AJM1: variants seen among roughly 807,000 people sequenced by gnomAD.
The protein encoded by AJM1 is apical junction component 1 homolog.
A neutral mutation model predicts 43.0 loss-of-function variants in AJM1; 22 were observed. The ratio of observed to expected loss-of-function variants is 0.51; its 90% CI spans 0.37 to 0.73. AJM1 has a LOEUF of 0.73. Among genes scored for constraint, AJM1 ranks in the 30% least tolerant of loss-of-function variants. AJM1 has a pLI of 0.00. For synonymous variants in AJM1, 719 were observed against 638.3 expected (o/e 1.13, Z -1.91); for missense variants, 1,305 against 1,343.3 (o/e 0.97, Z 0.45).
In AJM1 at chr9:136,845,611, G is replaced by A; in HGVS notation, c.1197G>A (p.Pro399=). 1 of 1,581,422 alleles carries A rather than the reference G, an allele frequency of 6.3e-7. No individual in the cohort carries two copies. The highest frequency in any genetic ancestry group is 8.6e-7 in the Non-Finnish European group (1 of 1,169,520). ...CGTACCCGCACCCGCGCAGCAGCCC[G>A]GCCTGGGCGGACTGGGGCCCGCGAC... ...ARTYPHPRSS[P]AWADWGPRPY... Residue 399 remains proline (P), a synonymous_variant, in exon 3 of 3, where the codon CCG becomes CCA. Coordinates refer to ENST00000436881, the MANE Select transcript of AJM1 (RefSeq NM_001080482.5).
chr9:136,845,856 G>C lies in AJM1; in HGVS notation c.1442G>C (p.Arg481Pro). 1 of 1,559,482 alleles carries C rather than the reference G, an allele frequency of 6.4e-7. No homozygotes were observed. The highest frequency in any genetic ancestry group is 8.7e-7 in the Non-Finnish European group (1 of 1,154,464). Residue 481 changes from arginine (R) to proline (P), a missense_variant, in exon 3 of 3, where the codon CGA (arginine) becomes CCA (proline). By Grantham distance (103) the Arg-to-Pro change is moderately radical. Around this residue, in one of 6 missense-constraint regions of AJM1, gnomAD observed 653 missense variants for 549.1 expected, o/e 1.19. Coordinates refer to ENST00000436881, the MANE Select transcript of AJM1 (RefSeq NM_001080482.5). ...NLLGREVREP[R>P]GVSPEGRRPP... ...CTGGGGCGCGAGGTGCGGGAGCCGC[G>C]AGGCGTGTCCCCCGAAGGCCGGCGC...
At position 136,846,723 on chromosome 9, in the gene AJM1, T is replaced by C. The variant is rs761752809; in HGVS notation, c.2309T>C (p.Leu770Pro). 6.2e-7 allele frequency: 1 copy of C among 1,603,582 alleles called. No individual in the cohort carries two copies. Among genetic ancestry groups the C allele is most frequent in the South Asian group, 1.1e-5 (1 of 90,932 alleles). Residue 770 changes from leucine to proline, a missense_variant, in exon 3 of 3, where the codon CTG (leucine) becomes CCG (proline). Coordinates refer to ENST00000436881, the MANE Select transcript of AJM1 (RefSeq NM_001080482.5). ...GSADNFLRFG[L>P]EGLLLSPTYL... ...GCCGACAACTTCCTGCGCTTTGGCC[T>C]GGAGGGGCTGCTGCTATCCCCCACC...
In AJM1 at chr9:136,847,304, G is replaced by T. The variant is rs868150765; in HGVS notation, c.2890G>T (p.Asp964Tyr). The T allele has an allele frequency of 1.3e-6, 2 of 1,543,106 alleles. No individual in the cohort carries two copies. Among genetic ancestry groups the T allele is most frequent in the South Asian group, 1.2e-5 (1 of 84,526 alleles). The change falls in exon 3 of 3, where the codon GAC becomes TAC. Residue 964 changes from aspartate (D) to tyrosine (Y), a missense_variant. Coordinates refer to ENST00000436881, the MANE Select transcript of AJM1 (RefSeq NM_001080482.5). The stretch of plus-strand genomic sequence containing the variant: ...GGCCGCCTCCGAGCCGCGCGCGCTC[G>T]ACTGGGTGGCCAGCGCCAACCTGCT... ...IMAASEPRAL[D>Y]WVASANLLDD...
chr9:136,845,216 C>A lies in AJM1; in HGVS notation c.802C>A (p.Arg268Ser). 1.3e-6 allele frequency: 2 copies of A among 1,592,266 alleles called. No homozygotes were observed. The highest frequency in any genetic ancestry group is 8.5e-7 in the Non-Finnish European group (1 of 1,176,212). The change falls in exon 3 of 3, where the codon CGC becomes AGC. Residue 268 changes from arginine (R) to serine (S), a missense_variant. Around this residue, in one of 6 missense-constraint regions of AJM1, gnomAD observed 653 missense variants for 549.1 expected, o/e 1.19. Coordinates refer to ENST00000436881, the MANE Select transcript of AJM1 (RefSeq NM_001080482.5). Reference protein sequence around the residue: ...LPGPRDYAERRSLPFTTPPGP... With the variant: ...LPGPRDYAERSSLPFTTPPGP... ...TGGGCCCCGGGACTACGCCGAGCGC[C>A]GCAGTCTGCCCTTCACCACCCCGCC...
In AJM1 at chr9:136,845,657, G is replaced by T. The variant is rs1264362550; in HGVS notation, c.1243G>T (p.Val415Leu). The T allele has an allele frequency of 1.5e-5, 24 of 1,577,260 alleles. No individual in the cohort carries two copies. The highest frequency in any genetic ancestry group is 2.1e-5 in the Non-Finnish European group (24 of 1,169,154). The part of the protein sequence containing the change: ...GPRPYRTLQV[V>L]PPSDPDPLLA... ...GCGACCGTACCGCACCCTGCAAGTGGTGCCGCCCTCTGACCCCGACCCGTT... is the reference window on the plus strand; with the variant it reads ...GCGACCGTACCGCACCCTGCAAGTGTTGCCGCCCTCTGACCCCGACCCGTT... The change falls in exon 3 of 3, where the codon GTG becomes TTG. Residue 415 changes from valine to leucine, a missense_variant. By Grantham distance (32) the Val-to-Leu change is conservative. Transcript: ENST00000436881.
At chr9:136,843,109 G>A (rs1848725479) in intron 1 of AJM1, among the ~76,000 whole-genome samples, 1 of 149,474 alleles carries the variant, frequency 6.7e-6, no homozygotes, top group African/African-American at 2.5e-5. Flanking sequence ...GCACACCTGG[G>A]ACACAGAGGG....
chr9:136,845,669 G>A lies in AJM1; in HGVS notation c.1255G>A (p.Asp419Asn). Reference protein sequence around the residue: ...YRTLQVVPPSDPDPLLASWHG... With the variant: ...YRTLQVVPPSNPDPLLASWHG... ...CACCCTGCAAGTGGTGCCGCCCTCT[G>A]ACCCCGACCCGTTGCTCGCCTCCTG... The change falls in exon 3 of 3, where the codon GAC becomes AAC. Residue 419 changes from aspartate to asparagine, a missense_variant. By Grantham distance (23) the Asp-to-Asn change is conservative. Coordinates refer to ENST00000436881, the MANE Select transcript of AJM1 (RefSeq NM_001080482.5). 1 of 1,576,272 alleles carries A rather than the reference G, an allele frequency of 6.3e-7. No homozygotes were observed. Among genetic ancestry groups the A allele is most frequent in the Non-Finnish European group, 8.6e-7 (1 of 1,168,930 alleles).
At chr9:136,844,151 G>GGGACGGGCA (rs1300431557) in intron 1 of AJM1, among the ~76,000 whole-genome samples, 45 bp from the exon 2 acceptor site, 7 of 152,216 alleles carry the variant, frequency 4.6e-5, no homozygotes, top group African/African-American at 1.2e-4. Context: ...AGAGGACGGG[G>GGGACGGGCA]GGACGGGCAG....
rs1218070985 is a variant in AJM1 at position 136,845,179 on chromosome 9, CGGGCCCCTGCCT to C, written c.773_784del (p.Leu258_Pro261del). On this transcript the variant is annotated inframe_deletion, in exon 3 of 3. Coordinates refer to ENST00000436881, the MANE Select transcript of AJM1 (RefSeq NM_001080482.5). The stretch of plus-strand genomic sequence containing the variant: ...CGGATCCCCGGGCGTTCTACTGCGA[CGGGCCCCTGCCT>C]GGGCCCCGGGACTACGCCGAGCGCC... 1 of 1,587,644 alleles carries C rather than the reference CGGGCCCCTGCCT, an allele frequency of 6.3e-7. No individual in the cohort carries two copies. Among genetic ancestry groups the C allele is most frequent in the Non-Finnish European group, 8.5e-7 (1 of 1,175,120 alleles).
In AJM1 at chr9:136,846,092, C is replaced by T; in HGVS notation, c.1678C>T (p.Pro560Ser). ...AWELPGGRTR[P>S]PPHAAPDGPT... ...GGAGTTGCCCGGGGGCCGCACGCGG[C>T]CACCTCCCCACGCGGCCCCCGACGG... The change falls in exon 3 of 3, where the codon CCA becomes TCA. Residue 560 changes from proline to serine, a missense_variant. Coordinates refer to ENST00000436881, the MANE Select transcript of AJM1 (RefSeq NM_001080482.5). The T allele has an allele frequency of 6.5e-7, 1 of 1,529,088 alleles. No individual in the cohort carries two copies. The highest frequency in any genetic ancestry group is 8.8e-7 in the Non-Finnish European group (1 of 1,142,434). The allele number at this position is 1,529,088 out of a possible 1,614,324, so 94.7% of individuals were successfully genotyped here.
rs1806638673 is a variant in AJM1 at position 136,845,330 on chromosome 9, T to C, written c.916T>C (p.Tyr306His). The change falls in exon 3 of 3, where the codon TAC becomes CAC. Residue 306 changes from tyrosine to histidine, a missense_variant. Transcript: ENST00000436881. ...TCCCGGCCCAACCTTCGACGCCTACTACCCCAGGCCCTATCCGTCCGAGGA... is the reference window on the plus strand; with the variant it reads ...TCCCGGCCCAACCTTCGACGCCTACCACCCCAGGCCCTATCCGTCCGAGGA... The part of the protein sequence containing the change: ...ASPGPTFDAY[Y>H]PRPYPSEELS... 1 of 1,612,126 alleles carries C rather than the reference T, an allele frequency of 6.2e-7. No homozygotes were observed. Among genetic ancestry groups the C allele is most frequent in the Non-Finnish European group, 8.5e-7 (1 of 1,179,812 alleles).
chr9:136,847,831 C>T lies in AJM1; in HGVS notation c.*486C>T, dbSNP rs534449883. 119 of 156,328 alleles carry T rather than the reference C, an allele frequency of 7.6e-4. No individual in the cohort carries two copies. The highest frequency in any genetic ancestry group is 1.4e-3 in the Non-Finnish European group (99 of 70,934). 9.7% of individuals were successfully genotyped at this position (156,328 alleles called of 1,614,324 possible). A position where few individuals can be genotyped will look rare whatever the true frequency, so the allele number is the denominator to read the frequency against. On this transcript the variant is annotated 3_prime_UTR_variant, in exon 3 of 3. Coordinates refer to ENST00000436881, the MANE Select transcript of AJM1 (RefSeq NM_001080482.5). ...TGGAGCCTCCCCGACTCCGGTTTCC[C>T]CTCGTCCAGAAGCCCGACGTAACCA...
rs772787574 is a variant in AJM1, at chr9:136,844,488, C to T, written c.74C>T (p.Pro25Leu). The T allele has an allele frequency of 6.2e-7, 1 of 1,610,988 alleles. No individual in the cohort carries two copies. The highest frequency in any genetic ancestry group is 1.1e-5 in the South Asian group (1 of 90,904). ...YQDIKVATPG[P>L]ASKCSPCERS... is the part of the protein sequence containing the mutation. Reference sequence around the variant, plus strand: ...GACATCAAGGTGGCGACCCCGGGACCCGCGTCCAAGTGCTCGCCATGTGAG... The same window carrying T: ...GACATCAAGGTGGCGACCCCGGGACTCGCGTCCAAGTGCTCGCCATGTGAG... Residue 25 changes from proline (P) to leucine (L), a missense_variant, in exon 3 of 3, where the codon CCC (proline) becomes CTC (leucine). Pro to Leu is a moderately conservative substitution (Grantham distance 98). Coordinates refer to ENST00000436881, the MANE Select transcript of AJM1 (RefSeq NM_001080482.5).
chr9:136,842,615 G>C (rs372866206), intron 1 of AJM1, among the ~76,000 whole-genome samples, 26 bp downstream of exon 1: 1 of 152,244 alleles, frequency 6.6e-6, no homozygotes, highest in Non-Finnish European at 1.5e-5. Flanking sequence ...CCGAGTTGCT[G>C]AGTGTGTCAC....
Position 136,845,937 on chromosome 9 carries a change from T to G in AJM1, c.1523T>G (p.Leu508Arg), listed in dbSNP as rs1848768200. 6.4e-7 allele frequency: 1 copy of G among 1,554,414 alleles called. No individual in the cohort carries two copies. Among genetic ancestry groups the G allele is most frequent in the Non-Finnish European group, 8.7e-7 (1 of 1,150,310 alleles). Residue 508 changes from leucine (L) to arginine (R), a missense_variant, in exon 3 of 3, where the codon CTG (leucine) becomes CGG (arginine). Coordinates refer to ENST00000436881, the MANE Select transcript of AJM1 (RefSeq NM_001080482.5). The part of the protein sequence containing the change: ...TSPRRYAALS[L>R]SETSLTEKGR... Reference sequence around the variant, plus strand: ...CCCAGACGCTACGCCGCACTGTCCCTGTCCGAGACGTCGCTGACGGAGAAG... The same window carrying G: ...CCCAGACGCTACGCCGCACTGTCCCGGTCCGAGACGTCGCTGACGGAGAAG...
Position 136,845,619 on chromosome 9 carries a change from C to T in AJM1, c.1205C>T (p.Ala402Val), listed in dbSNP as rs764134799. The change falls in exon 3 of 3, where the codon GCG becomes GTG. Residue 402 changes from alanine (A) to valine (V), a missense_variant. Coordinates refer to ENST00000436881, the MANE Select transcript of AJM1 (RefSeq NM_001080482.5). ...CACCCGCGCAGCAGCCCGGCCTGGG[C>T]GGACTGGGGCCCGCGACCGTACCGC... Reference protein sequence around the residue: ...YPHPRSSPAWADWGPRPYRTL... With the variant: ...YPHPRSSPAWVDWGPRPYRTL... 7.6e-6 allele frequency: 12 copies of T among 1,578,598 alleles called. No individual in the cohort carries two copies. In the Admixed American group the frequency reaches 1.4e-4, roughly 19 times the overall value.
In AJM1 at chr9:136,848,429, C is replaced by T. The variant is rs1205147775; in HGVS notation, c.*1084C>T. Reference sequence around the variant, plus strand: ...CCGGCGGCCCGGCCTCCACCTGTCCCCCAAGTGCACCCTGGTCCGCGCCCA... The same window carrying T: ...CCGGCGGCCCGGCCTCCACCTGTCCTCCAAGTGCACCCTGGTCCGCGCCCA... On this transcript the variant is annotated 3_prime_UTR_variant, in exon 3 of 3. Coordinates refer to ENST00000436881, the MANE Select transcript of AJM1 (RefSeq NM_001080482.5). The T allele has an allele frequency of 6.6e-6, 1 of 152,424 alleles. No individual in the cohort carries two copies. Among genetic ancestry groups the T allele is most frequent in the Non-Finnish European group, 1.5e-5 (1 of 68,180 alleles). The allele number at this position is 152,424 out of a possible 1,614,324, so 9.4% of individuals were successfully genotyped here. A position where few individuals can be genotyped will look rare whatever the true frequency, so the allele number is the denominator to read the frequency against.
rs773167137 is a variant in AJM1, at chr9:136,845,210, G to A, written c.796G>A (p.Glu266Lys). 1.9e-6 allele frequency: 3 copies of A among 1,590,030 alleles called. No individual in the cohort carries two copies. The highest frequency in any genetic ancestry group is 1.3e-5 in the African/African-American group (1 of 74,646). ...GPLPGPRDYA[E>K]RRSLPFTTPP... is the part of the protein sequence containing the mutation. ...CCTGCCTGGGCCCCGGGACTACGCC[G>A]AGCGCCGCAGTCTGCCCTTCACCAC... The change falls in exon 3 of 3, where the codon GAG (glutamate) becomes AAG (lysine). Residue 266 changes from glutamate (E) to lysine (K), a missense_variant. Glu to Lys is a moderately conservative substitution (Grantham distance 56). Coordinates refer to ENST00000436881, the MANE Select transcript of AJM1 (RefSeq NM_001080482.5).
At chr9:136,843,063 G>C (rs1464255624) in intron 1 of AJM1, among the ~76,000 whole-genome samples, 1 of 148,306 alleles carries the variant, frequency 6.7e-6, no homozygotes, top group Non-Finnish European at 1.5e-5. Flanking sequence ...TCGTGGCCCT[G>C]ACCCAGAAAA....
Sources: gnomAD v4.1 joint callset for allele counts (sites outside exome capture counted in the v4.1 genomes callset) on GRCh38, gnomAD v4.1.1 for gene constraint, gnomAD v4.1.1 regional missense constraint, MANE v1.5 for transcripts, NCBI Gene and HGNC (gene_info 2026-07-23, HGNC 2026-07-21) for gene names.